The following AGR2 variants were observed in gnomAD, a reference collection of about 807,000 sequenced individuals.
AGR2 encodes the protein anterior gradient 2, protein disulphide isomerase family member.
A neutral mutation model predicts 25.9 loss-of-function variants in AGR2; 27 were observed. That is an observed-to-expected ratio of 1.04 (90% CI 0.77 to 1.44). The LOEUF is 1.44. Ranked by LOEUF, AGR2 falls within the 40% of genes most tolerant of loss-of-function variation. AGR2 has a pLI of 0.00. For synonymous variants in AGR2, 78 were observed against 72.0 expected, an observed-to-expected ratio of 1.08 and a Z score of -0.42; for missense variants, 182 against 200.9, an observed-to-expected ratio of 0.91 and a Z score of 0.57.
intron 7 of AGR2, among the ~76,000 whole-genome samples, chr7:16,793,800 T>G (rs1784999825): frequency 6.6e-6 from 1 of 152,212 alleles, no homozygotes; most frequent in Non-Finnish European, 1.5e-5. Context: ...GGGTCACTGT[T>G]TCTTCAACAG....
intron 6 of AGR2, 149 bp from the exon 7 acceptor site, chr7:16,795,168 C>A: frequency 2.4e-6 from 2 of 830,242 alleles, no homozygotes; most frequent in Non-Finnish European, 1.9e-6. Context: ...TCCATCCACT[C>A]TACTACCCAG....
chr7:16,798,427 C>T (rs897658589), intron 5 of AGR2, among the ~76,000 whole-genome samples: 6 of 152,064 alleles, frequency 3.9e-5, no homozygotes, highest in African/African-American at 7.2e-5. Flanking sequence ...GGGGGATGCA[C>T]GAGGGCAGTG....
intron 1 of AGR2, 80 bp downstream of exon 1, chr7:16,804,855 G>A (rs1785208104): frequency 6.6e-6 from 1 of 152,196 alleles, no homozygotes; most frequent in African/African-American, 2.4e-5. Context: ...TTGCTTGATT[G>A]CCTACAACTT....
chr7:16,799,608 C>T lies in AGR2; in HGVS notation c.330+136G>A, dbSNP rs545885653. ...TAATACAACGAAATATCTTTTTTCT[C>T]TCTAATTTATGAGATGGGATATTTG... On this transcript the variant is annotated intron_variant, in intron 5 of 7. Transcript: ENST00000419304. 110 of 550,234 alleles carry T rather than the reference C, an allele frequency of 2.0e-4. 1 individual carries two copies. In the South Asian group the frequency reaches 3.3e-3, roughly 17 times the overall value. 34.1% of individuals were successfully genotyped at this position (550,234 alleles called of 1,614,324 possible). A position where few individuals can be genotyped will look rare whatever the true frequency, so the allele number is the denominator to read the frequency against.
chr7:16,793,058 CT>C (rs112853365), intron 7 of AGR2, 101 bp from the exon 8 acceptor site: 39,141 of 936,102 alleles, frequency 0.042, 303 homozygotes, highest in African/African-American at 0.064. Flanking sequence ...TAATGGGATG[CT>C]TTTTTTTTTG....
At chr7:16,800,011 T>G (rs1785114649) in intron 4 of AGR2, among the ~76,000 whole-genome samples, 194 bp from the exon 5 acceptor site, 6 of 152,048 alleles carry the variant, frequency 3.9e-5, no homozygotes, top group Admixed American at 3.3e-4. Context: ...ATTCACTCAT[T>G]CATCCATTCA....
chr7:16,795,043 G>A (rs1488539905), intron 6 of AGR2, 24 bp from the exon 7 acceptor site: 2 of 1,612,674 alleles, frequency 1.2e-6, no homozygotes, highest in South Asian at 2.2e-5. Flanking sequence ...TGAAGCAAAA[G>A]GGAATGGAAT....
At chr7:16,804,105 C>T (rs1173805805) in intron 1 of AGR2, among the ~76,000 whole-genome samples, 3 of 152,078 alleles carry the variant, frequency 2.0e-5, no homozygotes, top group Admixed American at 2.0e-4. Flanking sequence ...TAACATAACT[C>T]CTGCTGTACA....
Position 16,792,745 on chromosome 7 carries a change from A to G in AGR2, c.*163T>C, listed in dbSNP as rs572327332. The G allele has an allele frequency of 2.9e-6, 2 of 686,124 alleles. No homozygotes were observed. Among genetic ancestry groups the G allele is most frequent in the African/African-American group, 1.8e-5 (1 of 55,342 alleles). The allele number at this position is 686,124 out of a possible 1,614,324, so 42.5% of individuals were successfully genotyped here. A position where few individuals can be genotyped will look rare whatever the true frequency, so the allele number is the denominator to read the frequency against. The stretch of plus-strand genomic sequence containing the variant: ...TTTTCACACATGTACACTTGAAACC[A>G]AATTTCTAAAACTTGTTTTTCTTAA... On this transcript the variant is annotated 3_prime_UTR_variant, in exon 8 of 8. Transcript: ENST00000419304.
At chr7:16,803,744 TCAA>T (rs1409879833) in intron 1 of AGR2, among the ~76,000 whole-genome samples, 1 of 152,216 alleles carries the variant, frequency 6.6e-6, no homozygotes, top group African/African-American at 2.4e-5. Flanking sequence ...TCACTGTAAG[TCAA>T]CAATTCTCAG....
At chr7:16,798,982 G>T (rs536681764) in intron 5 of AGR2, among the ~76,000 whole-genome samples, 1 of 152,322 alleles carries the variant, frequency 6.6e-6, no homozygotes, top group Admixed American at 6.5e-5. Context: ...GGAATTATTA[G>T]TGTGTCGGAA....
chr7:16,801,653 C>T lies in AGR2; in HGVS notation c.139+5G>A. The T allele has an allele frequency of 6.2e-7, 1 of 1,613,752 alleles. No homozygotes were observed. The highest frequency in any genetic ancestry group is 8.5e-7 in the Non-Finnish European group (1 of 1,179,928). ...GTTGGAAGCCAACAAGAAGCTGACT[C>T]CTACCTCTGGAGAGGGTCTGGGGCA... On this transcript the variant is annotated splice_donor_5th_base_variant and intron_variant, in intron 2 of 7. Transcript: ENST00000419304.
At chr7:16,794,325 G>C (rs1337428610) in intron 7 of AGR2, among the ~76,000 whole-genome samples, 3 of 152,200 alleles carry the variant, frequency 2.0e-5, no homozygotes, top group Non-Finnish European at 2.9e-5. Context: ...GATCAGAGTT[G>C]GTTCCTAGGA....
intron 1 of AGR2, among the ~76,000 whole-genome samples, chr7:16,803,613 T>C (rs935334274): frequency 1.3e-5 from 2 of 152,204 alleles, no homozygotes; most frequent in Non-Finnish European, 2.9e-5. Context: ...ACAAAATGTC[T>C]TACTCAGAAA....
intron 2 of AGR2, 52 bp from the exon 3 acceptor site, chr7:16,801,435 A>G (rs1388722223): frequency 3.9e-6 from 6 of 1,552,920 alleles, no homozygotes; most frequent in Non-Finnish European, 5.3e-6. Flanking sequence ...TCAGACCCAA[A>G]GCTGTTGAAA....
chr7:16,796,741 A>G (rs1209643860), intron 6 of AGR2, among the ~76,000 whole-genome samples: 3 of 152,212 alleles, frequency 2.0e-5, no homozygotes, highest in Non-Finnish European at 4.4e-5. Context: ...GCAAAATTAT[A>G]CCTGAGGAAA....
At chr7:16,795,087 C>T (rs745436019) in intron 6 of AGR2, 68 bp from the exon 7 acceptor site, 284 of 1,547,834 alleles carry the variant, frequency 1.8e-4, no homozygotes, top group South Asian at 2.5e-4. Flanking sequence ...TTTATTGCCC[C>T]GGGGAGCTGA....
chr7:16,800,215 C>T (rs1226062108), intron 4 of AGR2, among the ~76,000 whole-genome samples: 2 of 152,178 alleles, frequency 1.3e-5, no homozygotes, highest in East Asian at 1.9e-4. Context: ...GAGATATGTA[C>T]TTTGAAGAAA....
chr7:16,799,014 T>C (rs780266667), intron 5 of AGR2, among the ~76,000 whole-genome samples: 2 of 152,150 alleles, frequency 1.3e-5, no homozygotes, highest in Non-Finnish European at 2.9e-5. Flanking sequence ...CAGTTGTAGA[T>C]GGAGTTGTTC....
Sources: gnomAD v4.1 joint callset for allele counts (sites outside exome capture counted in the v4.1 genomes callset) on GRCh38, gnomAD v4.1.1 for gene constraint, MANE v1.5 for transcripts, NCBI Gene and HGNC (gene_info 2026-07-23, HGNC 2026-07-21) for gene names.